ANKRD31: variants seen among roughly 807,000 people sequenced by gnomAD.
ANKRD31 encodes the protein ankyrin repeat domain-containing protein 31.
In ANKRD31, 147 loss-of-function variants were observed where a neutral mutation model predicts 186.0. The observed-to-expected ratio is 0.79, with a 90% CI of 0.69 to 0.91. ANKRD31 has a LOEUF of 0.91. Ranked by LOEUF, ANKRD31 falls within the 40% of genes least tolerant of loss-of-function variation. The pLI is 0.00. For synonymous variants in ANKRD31, 673 were observed against 736.4 expected (o/e 0.91, Z 1.39); for missense variants, 1,986 against 2,148.8 (o/e 0.92, Z 1.50).
chr5:75,186,938 A>AATG (rs1219635136), intron 10 of ANKRD31, among the ~76,000 whole-genome samples: 1 of 152,136 alleles, frequency 6.6e-6, no homozygotes, highest in Non-Finnish European at 1.5e-5. Flanking sequence ...CATAGAAGGC[A>AATG]TACTGTAAAC....
intron 2 of ANKRD31, among the ~76,000 whole-genome samples, chr5:75,226,983 C>T (rs1012628180): frequency 4.0e-5 from 6 of 151,894 alleles, no homozygotes; most frequent in Non-Finnish European, 8.8e-5. Context: ...TGCACTCCCA[C>T]GGTTTTTTTT....
At chr5:75,145,463 C>G (rs551683231) in intron 14 of ANKRD31, among the ~76,000 whole-genome samples, 3 of 152,072 alleles carry the variant, frequency 2.0e-5, no homozygotes, top group Non-Finnish European at 4.4e-5. Context: ...TGGAAACCAT[C>G]ATTCTCAGCA....
chr5:75,132,666 C>T (rs58194035), intron 17 of ANKRD31, among the ~76,000 whole-genome samples: 3,663 of 152,124 alleles, frequency 0.024, 140 homozygotes, highest in African/African-American at 0.083. Context: ...ATACAGAGAA[C>T]GCCACAAAGA....
chr5:75,088,016 A>T (rs1745633745), intron 23 of ANKRD31, among the ~76,000 whole-genome samples: 1 of 152,240 alleles, frequency 6.6e-6, no homozygotes, highest in Non-Finnish European at 1.5e-5. Flanking sequence ...AAGAGATCAC[A>T]TATCTAACCA....
chr5:75,180,701 A>T (rs1754216147), intron 10 of ANKRD31, among the ~76,000 whole-genome samples: 2 of 152,196 alleles, frequency 1.3e-5, no homozygotes, highest in Admixed American at 1.3e-4. Context: ...CTGAAACTGG[A>T]TCCCTTCCTT....
At chr5:75,192,828 C>A in intron 8 of ANKRD31, 52 bp from the exon 9 acceptor site, 4 of 1,318,642 alleles carry the variant, frequency 3.0e-6, no homozygotes, top group East Asian at 2.5e-5. Context: ...TGCAAACATT[C>A]ACAGAGAATT....
chr5:75,192,746 A>C lies in ANKRD31; in HGVS notation c.1329T>G (p.Gly443=). ...TTGCTGAATGCATATTCTTCTCTTT[A>C]CCATCAATCATTAAAGCCGGATCCT... The part of the protein sequence containing the change: ...RMQDPALMID[G]KEKNMHSARF... Residue 443 remains glycine (G), a synonymous_variant, in exon 9 of 26, where the codon GGT becomes GGG. Coordinates refer to ENST00000506364, the MANE Select transcript of ANKRD31 (RefSeq NM_001372053.1). 6.5e-7 allele frequency: 1 copy of C among 1,535,338 alleles called. No homozygotes were observed. Among genetic ancestry groups the C allele is most frequent in the South Asian group, 1.2e-5 (1 of 83,544 alleles).
intron 17 of ANKRD31, among the ~76,000 whole-genome samples, chr5:75,128,591 G>A (rs187431714): frequency 0.011 from 1,718 of 151,220 alleles, 19 homozygotes; most frequent in South Asian, 0.036. Context: ...TGCAAGCTCC[G>A]CCTCCCAGGT....
intron 23 of ANKRD31, among the ~76,000 whole-genome samples, chr5:75,085,589 A>G (rs945736048): frequency 3.9e-5 from 6 of 152,092 alleles, no homozygotes; most frequent in African/African-American, 1.2e-4. Context: ...TTTAGTAGAT[A>G]CAGGGTTTTG....
intron 12 of ANKRD31, among the ~76,000 whole-genome samples, chr5:75,150,380 ACT>A (rs1751761553): frequency 1.3e-5 from 2 of 151,992 alleles, no homozygotes; most frequent in African/African-American, 2.4e-5. Context: ...AAAAATGAAT[ACT>A]CTGTTTTTAT....
intron 2 of ANKRD31, among the ~76,000 whole-genome samples, chr5:75,225,902 C>T (rs143846810): frequency 6.6e-6 from 1 of 152,310 alleles, no homozygotes; most frequent in African/African-American, 2.4e-5. Context: ...CATTTCTGGA[C>T]CTGCCCTGGG....
At chr5:75,116,371 G>T (rs1189471453) in intron 19 of ANKRD31, among the ~76,000 whole-genome samples, 195 bp downstream of exon 19, 1 of 151,402 alleles carries the variant, frequency 6.6e-6, no homozygotes, top group Non-Finnish European at 1.5e-5. Context: ...TAACTAACCT[G>T]CACATTGTGC....
chr5:75,137,020 G>A (rs1384541353), intron 17 of ANKRD31, among the ~76,000 whole-genome samples: 3 of 152,076 alleles, frequency 2.0e-5, no homozygotes, highest in African/African-American at 7.2e-5. Flanking sequence ...TCATGGGGTG[G>A]GGGTAGGGGG....
intron 25 of ANKRD31, among the ~76,000 whole-genome samples, chr5:75,072,928 A>G (rs1250081519): frequency 6.6e-6 from 1 of 152,218 alleles, no homozygotes; most frequent in Non-Finnish European, 1.5e-5. Context: ...TTGGAGTGTA[A>G]GACCTGATAT....
At chr5:75,076,010 T>C (rs1006067947) in intron 25 of ANKRD31, among the ~76,000 whole-genome samples, 2 of 152,072 alleles carry the variant, frequency 1.3e-5, no homozygotes, top group African/African-American at 2.4e-5. Flanking sequence ...AAGCACTCTA[T>C]ATCTCATTAG....
At chr5:75,229,883 A>C (rs1175194081) in intron 2 of ANKRD31, among the ~76,000 whole-genome samples, 18 of 84,498 alleles carry the variant, frequency 2.1e-4, no homozygotes, top group South Asian at 6.9e-4. Context: ...AAAAAAAAAA[A>C]AAAACAAAAA....
At chr5:75,158,633 A>G (rs1046081792) in intron 11 of ANKRD31, among the ~76,000 whole-genome samples, 7 of 152,068 alleles carry the variant, frequency 4.6e-5, no homozygotes, top group Admixed American at 4.6e-4. Context: ...AAGTAAAAAT[A>G]ATTTTTTAAA....
intron 1 of ANKRD31, among the ~76,000 whole-genome samples, chr5:75,234,455 G>A (rs1758132885): frequency 6.6e-6 from 1 of 152,230 alleles, no homozygotes. Context: ...TTCAGCCTAG[G>A]AGTTAGAGGC....
intron 17 of ANKRD31, among the ~76,000 whole-genome samples, chr5:75,124,992 C>T (rs940378680): frequency 1.3e-5 from 2 of 152,050 alleles, no homozygotes; most frequent in African/African-American, 4.8e-5. Context: ...AAGAAAAATA[C>T]CCTTGTTTTA....
Sources: gnomAD v4.1 joint callset for allele counts (sites outside exome capture counted in the v4.1 genomes callset) on GRCh38, gnomAD v4.1.1 for gene constraint, MANE v1.5 for transcripts, NCBI Gene and HGNC (gene_info 2026-07-23, HGNC 2026-07-21) for gene names.